GABBR2: variants seen among roughly 807,000 people sequenced by gnomAD.
GABBR2 encodes the protein G-protein coupled receptor 51.
GABBR2 carries 23 observed loss-of-function variants against 105.6 expected under a neutral mutation model. The observed-to-expected ratio is 0.22, with a 90% CI of 0.16 to 0.31. The LOEUF is 0.31. Among genes scored for constraint, GABBR2 ranks in the 10% least tolerant of loss-of-function variants. The probability of loss-of-function intolerance (pLI) is 1.00; values close to 1 mark genes in which losing one functional copy is unlikely to be tolerated. For missense variants in GABBR2, 734 were observed against 1,245.5 expected (o/e 0.59, Z 6.18); for synonymous variants, 478 against 499.7 (o/e 0.96, Z 0.58).
At chr9:98,543,366 ATATT>A (rs1005495006) in intron 2 of GABBR2, among the ~76,000 whole-genome samples, 204 of 151,122 alleles carry the variant, frequency 1.3e-3, no homozygotes, top group African/African-American at 4.5e-3. Context: ...ATTTATATAT[ATATT>A]TATTTATTAT....
chr9:98,656,731 T>C (rs1330253441), intron 1 of GABBR2, among the ~76,000 whole-genome samples: 1 of 152,244 alleles, frequency 6.6e-6, no homozygotes, highest in Non-Finnish European at 1.5e-5. Flanking sequence ...TCATCCATTC[T>C]TAAGGAAACC....
At chr9:98,428,989 G>C (rs747834403) in intron 7 of GABBR2, among the ~76,000 whole-genome samples, 2 of 152,162 alleles carry the variant, frequency 1.3e-5, no homozygotes, top group Non-Finnish European at 2.9e-5. Flanking sequence ...CCTTGAGGCA[G>C]CTTTCTGGGT....
rs1179161980 is a variant in GABBR2 at position 98,288,535 on chromosome 9, G to T, written c.*2049C>A. 6.6e-6 allele frequency: 1 copy of T among 150,596 alleles called. No homozygotes were observed. The highest frequency in any genetic ancestry group is 1.5e-5 in the Non-Finnish European group (1 of 67,324). 9.3% of individuals were successfully genotyped at this position (150,596 alleles called of 1,614,324 possible). A position where few individuals can be genotyped will look rare whatever the true frequency, so the allele number is the denominator to read the frequency against. On this transcript the variant is annotated 3_prime_UTR_variant, in exon 19 of 19. Coordinates refer to ENST00000259455, the MANE Select transcript of GABBR2 (RefSeq NM_005458.8). ...CTATGCTGGAATAATATTTCTACAGGTATTTTTTTTTGTGTGTGTGTATAC... is the reference window on the plus strand; with the variant it reads ...CTATGCTGGAATAATATTTCTACAGTTATTTTTTTTTGTGTGTGTGTATAC...
intron 2 of GABBR2, among the ~76,000 whole-genome samples, chr9:98,560,426 T>C (rs10986750): frequency 0.016 from 1,022 of 64,250 alleles, 10 homozygotes; most frequent in African/African-American, 0.03. Context: ...CATATACACA[T>C]ACACACACAC....
In GABBR2 at chr9:98,373,243, T is replaced by C. The variant is rs1831816603; in HGVS notation, c.1663-1672A>G. The stretch of plus-strand genomic sequence containing the variant: ...TCACTCATTCGTTTGTTTGTTCATT[T>C]GTTCATCTTCAACAAGTATTATTAG... On this transcript the variant is annotated intron_variant, in intron 11 of 18. Coordinates refer to ENST00000259455, the MANE Select transcript of GABBR2 (RefSeq NM_005458.8). Among the ~76,000 whole-genome samples the C allele has an allele frequency of 2.6e-5, 4 of 152,364 alleles. No individual in the cohort carries two copies. In the South Asian group the frequency reaches 8.3e-4, roughly 32 times the overall value.
chr9:98,561,700 T>C (rs1018706097), intron 2 of GABBR2, among the ~76,000 whole-genome samples: 1 of 152,070 alleles, frequency 6.6e-6, no homozygotes, highest in Non-Finnish European at 1.5e-5. Flanking sequence ...CTGAGCAACA[T>C]GGCGAGACTC....
chr9:98,487,277 T>TG (rs1249125086), intron 4 of GABBR2, among the ~76,000 whole-genome samples: 2 of 152,140 alleles, frequency 1.3e-5, no homozygotes, highest in African/African-American at 4.8e-5. Flanking sequence ...GCAGTCAGGA[T>TG]GGACTCCTGG....
intron 1 of GABBR2, among the ~76,000 whole-genome samples, chr9:98,654,931 C>T (rs903327170): frequency 3.9e-4 from 59 of 152,092 alleles, no homozygotes; most frequent in African/African-American, 1.4e-3. Flanking sequence ...AAGAAATAAG[C>T]TATCAAGGCA....
chr9:98,422,143 A>G (rs1050483527), intron 7 of GABBR2, among the ~76,000 whole-genome samples: 2 of 151,070 alleles, frequency 1.3e-5, no homozygotes, highest in Admixed American at 6.6e-5. Context: ...CCAACAGAAA[A>G]ATGGGTGAAG....
chr9:98,479,858 C>T (rs1826877267), intron 5 of GABBR2, among the ~76,000 whole-genome samples: 2 of 152,114 alleles, frequency 1.3e-5, no homozygotes, highest in South Asian at 2.1e-4. Context: ...ATCCAAAGTC[C>T]CTTCTCTTCT....
intron 13 of GABBR2, among the ~76,000 whole-genome samples, chr9:98,336,057 G>C (rs977562911): frequency 6.6e-6 from 1 of 152,234 alleles, no homozygotes; most frequent in African/African-American, 2.4e-5. Flanking sequence ...TGGAGAAACA[G>C]GGGAGGTGAG....
chr9:98,513,244 C>T (rs1433133728), intron 3 of GABBR2, among the ~76,000 whole-genome samples: 7 of 151,564 alleles, frequency 4.6e-5, no homozygotes, highest in African/African-American at 1.5e-4. Flanking sequence ...ACACCTTATA[C>T]AAAAATTAAT....
intron 3 of GABBR2, among the ~76,000 whole-genome samples, chr9:98,529,039 T>C (rs1375462212): frequency 6.6e-6 from 1 of 152,100 alleles, no homozygotes; most frequent in Non-Finnish European, 1.5e-5. Context: ...GAGTAACTGA[T>C]GGCATACGCA....
chr9:98,441,252 T>C (rs1386439159), intron 7 of GABBR2, among the ~76,000 whole-genome samples: 1 of 152,002 alleles, frequency 6.6e-6, no homozygotes, highest in Non-Finnish European at 1.5e-5. Context: ...AAAAAATAAA[T>C]GTACAGCTAA....
intron 5 of GABBR2, among the ~76,000 whole-genome samples, chr9:98,479,688 G>C (rs1826871137): frequency 6.6e-6 from 1 of 152,198 alleles, no homozygotes; most frequent in African/African-American, 2.4e-5. Context: ...CAGGAGCTGG[G>C]CAGGTCTCCC....
intron 17 of GABBR2, among the ~76,000 whole-genome samples, chr9:98,296,117 TG>T (rs1273636329): frequency 1.3e-5 from 2 of 152,152 alleles, no homozygotes; most frequent in African/African-American, 4.8e-5. Flanking sequence ...GTGTAAGAGG[TG>T]GGGCCTTTAG....
intron 13 of GABBR2, among the ~76,000 whole-genome samples, chr9:98,337,908 GT>G (rs1239834241): frequency 2.6e-5 from 4 of 152,164 alleles, no homozygotes; most frequent in Admixed American, 6.5e-5. Context: ...TGTAATCCCA[GT>G]TACTCGGGAG....
intron 2 of GABBR2, 94 bp downstream of exon 2, chr9:98,577,841 C>T: frequency 7.8e-7 from 1 of 1,283,552 alleles, no homozygotes; most frequent in Non-Finnish European, 1.1e-6. Context: ...ACCCAGGCAA[C>T]ATAGAAACCA....
At chr9:98,622,003 CA>C (rs1004284930) in intron 1 of GABBR2, among the ~76,000 whole-genome samples, 44 of 151,490 alleles carry the variant, frequency 2.9e-4, no homozygotes, top group African/African-American at 8.5e-4. Context: ...GTCTTGCCAC[CA>C]AAAAAAATGG....
Sources: gnomAD v4.1 joint callset for allele counts (sites outside exome capture counted in the v4.1 genomes callset) on GRCh38, gnomAD v4.1.1 for gene constraint, MANE v1.5 for transcripts, NCBI Gene and HGNC (gene_info 2026-07-23, HGNC 2026-07-21) for gene names.